Variants in IGF1R observed in about 807,000 individuals in gnomAD.
IGF1R encodes insulin-like growth factor 1 receptor.
In IGF1R, 44 loss-of-function variants were observed where a neutral mutation model predicts 144.6. The ratio of observed to expected loss-of-function variants is 0.30; its 90% CI spans 0.24 to 0.39. The LOEUF (loss-of-function observed/expected upper bound fraction) is 0.39. Ranked by LOEUF, IGF1R falls within the 10% of genes least tolerant of loss-of-function variation. The pLI, the probability that IGF1R is intolerant of heterozygous loss-of-function variation, is 1.00. For missense variants in IGF1R, 1,355 were observed against 1,833.7 expected, an observed-to-expected ratio of 0.74 and a Z score of 4.77; for synonymous variants, 795 against 722.8, an observed-to-expected ratio of 1.10 and a Z score of -1.60.
chr15:98,915,945 T>C lies in IGF1R; in HGVS notation c.1829-19T>C. 6.2e-7 allele frequency: 1 copy of C among 1,612,880 alleles called. No individual in the cohort carries two copies. The highest frequency in any genetic ancestry group is 8.5e-7 in the Non-Finnish European group (1 of 1,178,826). On this transcript the variant is annotated intron_variant, in intron 8 of 20. Coordinates refer to ENST00000650285, the MANE Select transcript of IGF1R (RefSeq NM_000875.5). ...AAGTTCATTTCATTTTCTAGAATGT[T>C]CTTTGTTCCCCTCTCCAGTTCCTTC...
At chr15:98,773,258 G>A (rs1242241743) in intron 2 of IGF1R, among the ~76,000 whole-genome samples, 1 of 152,122 alleles carries the variant, frequency 6.6e-6, no homozygotes. Context: ...TGTAAACCTC[G>A]AGGCTCAGAG....
chr15:98,674,815 T>C lies in IGF1R; in HGVS notation c.94+25140T>C, dbSNP rs567554488. 5.3e-5 allele frequency among the ~76,000 whole-genome samples: 8 copies of C among 152,160 alleles called. No homozygotes were observed. In the East Asian group the frequency reaches 1.5e-3, roughly 29 times the overall value. ...GAGATTTTCCCCCTAGACTTATATG[T>C]GTATCTATATATTTAAAAAAATGAA... On this transcript the variant is annotated intron_variant, in intron 1 of 20. Coordinates refer to ENST00000650285, the MANE Select transcript of IGF1R (RefSeq NM_000875.5).
intron 2 of IGF1R, among the ~76,000 whole-genome samples, chr15:98,788,742 C>G (rs2056064325): frequency 6.6e-6 from 1 of 152,200 alleles, no homozygotes; most frequent in Non-Finnish European, 1.5e-5. Flanking sequence ...GCCGGTGATT[C>G]AGCTCCAGGT....
At chr15:98,865,882 T>C (rs576672959) in intron 2 of IGF1R, among the ~76,000 whole-genome samples, 2 of 152,100 alleles carry the variant, frequency 1.3e-5, no homozygotes, top group African/African-American at 4.8e-5. Context: ...TTAAACCTAA[T>C]TGAGTGTTGA....
In IGF1R at chr15:98,922,563, C is replaced by T. The variant is rs70958397; in HGVS notation, c.2485+132C>T. ...CCAGGCCTGCCTGCTAAATAACGTGCAGTCATTGGCAGGTGGCGTGTAGAC... is the reference window on the plus strand; with the variant it reads ...CCAGGCCTGCCTGCTAAATAACGTGTAGTCATTGGCAGGTGGCGTGTAGAC... On this transcript the variant is annotated intron_variant, in intron 11 of 20. Transcript: ENST00000650285. The T allele has an allele frequency of 4.8e-6, 5 of 1,045,190 alleles. No homozygotes were observed. In the East Asian group the frequency reaches 9.7e-5, roughly 20 times the overall value. The allele number at this position is 1,045,190 out of a possible 1,614,324, so 64.7% of individuals were successfully genotyped here. A position where few individuals can be genotyped will look rare whatever the true frequency, so the allele number is the denominator to read the frequency against.
intron 2 of IGF1R, among the ~76,000 whole-genome samples, chr15:98,773,129 C>T (rs112251457): frequency 9.9e-5 from 15 of 152,234 alleles, no homozygotes; most frequent in Non-Finnish European, 2.2e-4. Context: ...TTATGATTTT[C>T]TTCCTTGGTT....
At chr15:98,941,291 G>A (rs1375289087) in intron 18 of IGF1R, among the ~76,000 whole-genome samples, 1 of 152,250 alleles carries the variant, frequency 6.6e-6, no homozygotes, top group Non-Finnish European at 1.5e-5. Flanking sequence ...TCCTGTCTGT[G>A]TCTTATTCCC....
intron 2 of IGF1R, among the ~76,000 whole-genome samples, chr15:98,808,675 A>ATTTTTTTT (rs35643938): frequency 4.8e-5 from 7 of 145,622 alleles, no homozygotes; most frequent in Non-Finnish European, 7.4e-5. Flanking sequence ...TTCTTGAAAG[A>ATTTTTTTT]TTTTTTTTTT....
intron 2 of IGF1R, among the ~76,000 whole-genome samples, chr15:98,807,121 T>TA (rs1278747814): frequency 3.3e-5 from 5 of 152,262 alleles, no homozygotes; most frequent in Non-Finnish European, 7.3e-5. Context: ...GTACCTGGCT[T>TA]ACAGTTGCTC....
At chr15:98,738,541 A>G (rs185311411) in intron 2 of IGF1R, among the ~76,000 whole-genome samples, 1 of 152,320 alleles carries the variant, frequency 6.6e-6, no homozygotes, top group East Asian at 1.9e-4. Context: ...GCCCCAAAGC[A>G]AGATAAAATT....
chr15:98,850,154 T>G (rs1020558891), intron 2 of IGF1R, among the ~76,000 whole-genome samples: 37 of 152,278 alleles, frequency 2.4e-4, no homozygotes, highest in African/African-American at 8.7e-4. Flanking sequence ...AATAAGTAAG[T>G]TAGGGTGATA....
chr15:98,820,243 CT>C (rs2056776876), intron 2 of IGF1R, among the ~76,000 whole-genome samples: 1 of 151,658 alleles, frequency 6.6e-6, no homozygotes, highest in Non-Finnish European at 1.5e-5. Flanking sequence ...TTTCTCTGGT[CT>C]TATAAGAGTC....
rs559575269 is a variant in IGF1R, at chr15:98,879,036, A to G, written c.641-12289A>G. ...AGGGGGGATGTGGGTTGTGAGAGCG[A>G]CACTGTGTGTCCATGCGTGAAGAAA... On this transcript the variant is annotated intron_variant, in intron 2 of 20. Transcript: ENST00000650285. 5.3e-5 allele frequency among the ~76,000 whole-genome samples: 8 copies of G among 152,112 alleles called. 1 individual carries two copies. The highest frequency in any genetic ancestry group is 2.1e-4 in the South Asian group (1 of 4,826).
intron 2 of IGF1R, among the ~76,000 whole-genome samples, chr15:98,887,628 C>T (rs1333725329): frequency 6.6e-6 from 1 of 152,242 alleles, no homozygotes; most frequent in African/African-American, 2.4e-5. Context: ...GTCTGAAGAG[C>T]AGCCTCGGTG....
intron 2 of IGF1R, among the ~76,000 whole-genome samples, chr15:98,833,606 G>T (rs935986077): frequency 6.6e-6 from 1 of 152,136 alleles, no homozygotes; most frequent in Non-Finnish European, 1.5e-5. Context: ...ATAGGGAGAA[G>T]GTATAACCTT....
intron 1 of IGF1R, among the ~76,000 whole-genome samples, chr15:98,665,173 G>C (rs1458387768): frequency 1.3e-5 from 2 of 152,090 alleles, no homozygotes; most frequent in African/African-American, 4.8e-5. Context: ...GGATGGTCTT[G>C]ATCTCCTGAC....
chr15:98,961,278 T>C lies in IGF1R; in HGVS notation c.*3836T>C, dbSNP rs576583226. On this transcript the variant is annotated 3_prime_UTR_variant, in exon 21 of 21. Coordinates refer to ENST00000650285, the MANE Select transcript of IGF1R (RefSeq NM_000875.5). Reference sequence around the variant, plus strand: ...TTTCTACAGATCATTCAGCTGGTTATAAGGGTTTTGTTTAAACTGTCCGAG... The same window carrying C: ...TTTCTACAGATCATTCAGCTGGTTACAAGGGTTTTGTTTAAACTGTCCGAG... 1 of 233,696 alleles carries C rather than the reference T, an allele frequency of 4.3e-6. No homozygotes were observed. The highest frequency in any genetic ancestry group is 1.8e-4 in the South Asian group (1 of 5,536). The allele number at this position is 233,696 out of a possible 1,614,324, so 14.5% of individuals were successfully genotyped here. A position where few individuals can be genotyped will look rare whatever the true frequency, so the allele number is the denominator to read the frequency against.
In IGF1R at chr15:98,935,927, G is replaced by T. The variant is rs575855360; in HGVS notation, c.3297+501G>T. Reference sequence around the variant, plus strand: ...ATCTCAGTCCAAGTGTGTGGCTCAGGGCCGCATTTGTGGCAGGCACTCTGT... The same window carrying T: ...ATCTCAGTCCAAGTGTGTGGCTCAGTGCCGCATTTGTGGCAGGCACTCTGT... On this transcript the variant is annotated intron_variant, in intron 17 of 20. Transcript: ENST00000650285. The surrounding 1 kb of genome is among the most constrained non-coding windows in gnomAD (Gnocchi z 4.2). 1.3e-5 allele frequency among the ~76,000 whole-genome samples: 2 copies of T among 152,154 alleles called. No homozygotes were observed. Among genetic ancestry groups the T allele is most frequent in the Non-Finnish European group, 2.9e-5 (2 of 68,034 alleles).
At chr15:98,866,504 CTT>C (rs1379872881) in intron 2 of IGF1R, among the ~76,000 whole-genome samples, 1 of 152,196 alleles carries the variant, frequency 6.6e-6, no homozygotes, top group Non-Finnish European at 1.5e-5. Context: ...GAAACAGACT[CTT>C]GTTATTAATA....
Sources: allele counts gnomAD v4.1 joint callset (sites outside exome capture counted in the v4.1 genomes callset), GRCh38; gene constraint gnomAD v4.1.1; non-coding constraint Gnocchi (gnomAD v3.1); transcripts MANE v1.5; gene names NCBI Gene and HGNC (gene_info 2026-07-23, HGNC 2026-07-21).